The following STARD13 variants were observed in gnomAD, a reference collection of about 807,000 sequenced individuals.
STARD13 encodes stAR-related lipid transfer protein 13.
Under a neutral mutation model 106.4 loss-of-function variants are expected in STARD13, and 62 were observed. The ratio of observed to expected loss-of-function variants is 0.58; its 90% CI spans 0.48 to 0.72. The LOEUF is 0.72. Among genes scored for constraint, STARD13 ranks in the 30% least tolerant of loss-of-function variants. STARD13 has a pLI of 0.00. For missense variants in STARD13, 1,387 were observed against 1,424.0 expected (o/e 0.97, Z 0.42); for synonymous variants, 565 against 553.0 (o/e 1.02, Z -0.31).
chr13:33,122,037 G>T (rs901685283), intron 7 of STARD13, among the ~76,000 whole-genome samples: 1 of 152,116 alleles, frequency 6.6e-6, no homozygotes, highest in African/African-American at 2.4e-5. Context: ...GTAGTGACAG[G>T]GTTTTACCAT....
intron 1 of STARD13, among the ~76,000 whole-genome samples, chr13:33,297,059 T>C (rs560706841): frequency 6.6e-6 from 1 of 152,382 alleles, no homozygotes; most frequent in Non-Finnish European, 1.5e-5. Flanking sequence ...CTGGAGGAGT[T>C]CTTTCCCATT....
At chr13:33,390,301 A>G in the STARD13 span, among the ~76,000 whole-genome samples, 1 of 152,304 alleles carries the variant, frequency 6.6e-6, no homozygotes, top group East Asian at 1.9e-4. Flanking sequence ...TCTGGCTTTT[A>G]TGTTGCTTTG....
chr13:33,417,938 G>A, the STARD13 span, among the ~76,000 whole-genome samples: 7 of 152,126 alleles, frequency 4.6e-5, no homozygotes, highest in East Asian at 1.9e-4. Context: ...ATCTCAATAA[G>A]CCTGTTTAAA....
the STARD13 span, among the ~76,000 whole-genome samples, chr13:33,560,534 T>A: frequency 6.6e-6 from 1 of 151,260 alleles, no homozygotes; most frequent in Non-Finnish European, 1.5e-5. Context: ...CAGTCTTACA[T>A]CCCGTGGGTC....
the STARD13 span, among the ~76,000 whole-genome samples, chr13:33,552,129 C>G: frequency 1.3e-5 from 2 of 151,908 alleles, no homozygotes; most frequent in Non-Finnish European, 2.9e-5. Context: ...TCAGATTTCC[C>G]CAAGTACATG....
intron 1 of STARD13, among the ~76,000 whole-genome samples, chr13:33,194,627 T>G (rs1886485884): frequency 1.3e-5 from 2 of 152,200 alleles, no homozygotes; most frequent in African/African-American, 4.8e-5. Context: ...ATAGAAAACT[T>G]TTCAATACTA....
rs1885953448 is a variant in STARD13, at chr13:33,188,301, T to C, written c.170-20679A>G. 2.6e-5 allele frequency: 4 copies of C among 152,194 alleles called. No individual in the cohort carries two copies. In the South Asian group the frequency reaches 8.3e-4, roughly 32 times the overall value. The allele number at this position is 152,194 out of a possible 1,614,324, so 9.4% of individuals were successfully genotyped here. Reference sequence around the variant, plus strand: ...TTTAGTTGGTTACCATGATAAACACTTTAGGGACAGGAACCTCAACCTTCT... The same window carrying C: ...TTTAGTTGGTTACCATGATAAACACCTTAGGGACAGGAACCTCAACCTTCT... On this transcript the variant is annotated intron_variant, in intron 1 of 13. Coordinates refer to ENST00000336934, the MANE Select transcript of STARD13 (RefSeq NM_178006.4).
chr13:33,402,408 T>G, the STARD13 span, among the ~76,000 whole-genome samples: 1 of 152,220 alleles, frequency 6.6e-6, no homozygotes, highest in Non-Finnish European at 1.5e-5. Context: ...GAAATAACCT[T>G]CAGAAACAGT....
chr13:33,670,260 A>G, the STARD13 span, among the ~76,000 whole-genome samples: 1 of 152,170 alleles, frequency 6.6e-6, no homozygotes, highest in African/African-American at 2.4e-5. Context: ...TATCACATTG[A>G]ACTTCAGTGG....
the STARD13 span, among the ~76,000 whole-genome samples, chr13:33,616,140 G>T: frequency 2.0e-5 from 3 of 150,930 alleles, no homozygotes; most frequent in African/African-American, 7.3e-5. Context: ...AAGGAAGACA[G>T]GGAAAAAGAG....
At chr13:33,241,308 G>C (rs1444253332) in intron 1 of STARD13, among the ~76,000 whole-genome samples, 1 of 152,100 alleles carries the variant, frequency 6.6e-6, no homozygotes, top group African/African-American at 2.4e-5. Context: ...GGAACCTAGT[G>C]AATGTTTAAA....
chr13:33,457,948 G>A, the STARD13 span, among the ~76,000 whole-genome samples: 1 of 152,142 alleles, frequency 6.6e-6, no homozygotes, highest in African/African-American at 2.4e-5. Flanking sequence ...CTGCTAAAGG[G>A]AAGATAGAAA....
the STARD13 span, among the ~76,000 whole-genome samples, chr13:33,518,529 A>G: frequency 6.6e-6 from 1 of 151,990 alleles, no homozygotes; most frequent in South Asian, 2.1e-4. Context: ...AGGAGACCTC[A>G]TTTTTGTTAT....
chr13:33,128,448 T>C (rs1403162133), intron 5 of STARD13, among the ~76,000 whole-genome samples: 3 of 152,196 alleles, frequency 2.0e-5, no homozygotes, highest in African/African-American at 4.8e-5. Context: ...TCAGCTTTGA[T>C]GTACTTTGTA....
intron 1 of STARD13, among the ~76,000 whole-genome samples, chr13:33,293,756 G>A (rs913943889): frequency 2.6e-5 from 4 of 152,286 alleles, no homozygotes; most frequent in South Asian, 2.1e-4. Context: ...AGGAAAAGGC[G>A]AGACTGGCCT....
the STARD13 span, among the ~76,000 whole-genome samples, chr13:33,639,770 G>A: frequency 6.6e-6 from 1 of 152,332 alleles, no homozygotes; most frequent in African/African-American, 2.4e-5. Flanking sequence ...AATCAACCCA[G>A]CTGTTCTGTA....
At chr13:33,368,438 AC>A in the STARD13 span, among the ~76,000 whole-genome samples, 2 of 152,148 alleles carry the variant, frequency 1.3e-5, no homozygotes, top group Non-Finnish European at 2.9e-5. Context: ...TCTGTCACTC[AC>A]TATGGGCTTT....
the STARD13 span, among the ~76,000 whole-genome samples, chr13:33,580,370 C>T: frequency 6.6e-6 from 1 of 151,968 alleles, no homozygotes; most frequent in Non-Finnish European, 1.5e-5. Context: ...ATAAAAAGAT[C>T]AGTGGTTGCC....
chr13:33,604,796 C>CT, the STARD13 span, among the ~76,000 whole-genome samples: 4 of 145,384 alleles, frequency 2.8e-5, no homozygotes, highest in Non-Finnish European at 6.0e-5. Flanking sequence ...AAGACTTTGT[C>CT]TTTAAAAAAA....
Sources: gnomAD v4.1 joint callset for allele counts (sites outside exome capture counted in the v4.1 genomes callset) on GRCh38, gnomAD v4.1.1 for gene constraint, MANE v1.5 for transcripts, NCBI Gene and HGNC (gene_info 2026-07-23, HGNC 2026-07-21) for gene names.